The following SULF1 variants were observed in gnomAD, a reference collection of about 807,000 sequenced individuals.
SULF1 encodes extracellular sulfatase Sulf-1.
A neutral mutation model predicts 110.5 loss-of-function variants in SULF1; 46 were observed. The ratio of observed to expected loss-of-function variants is 0.42; its 90% CI spans 0.33 to 0.53. The LOEUF (loss-of-function observed/expected upper bound fraction) is 0.53, where lower values mean the gene tolerates loss of function less well. Ranked by LOEUF, SULF1 falls within the 20% of genes least tolerant of loss-of-function variation. The pLI, the probability that SULF1 is intolerant of heterozygous loss-of-function variation, is 0.12. For synonymous variants in SULF1, 371 were observed against 387.1 expected (o/e 0.96, Z 0.49); for missense variants, 941 against 1,094.2 (o/e 0.86, Z 1.98).
rs1289854304 is a variant in SULF1, at chr8:69,538,716, G to A, written c.-133-24823G>A. The stretch of plus-strand genomic sequence containing the variant: ...TTCTTTTTTTTTGTTTTTTTGAGAC[G>A]GAGTCTCCCTCTGTCACCCAGGCTG... On this transcript the variant is annotated intron_variant, in intron 3 of 22. Coordinates refer to ENST00000402687, the MANE Select transcript of SULF1 (RefSeq NM_001128205.2). Among the ~76,000 whole-genome samples, 3 of 150,710 alleles carry A rather than the reference G, an allele frequency of 2.0e-5. No homozygotes were observed. In the South Asian group the frequency reaches 6.3e-4, roughly 32 times the overall value.
intron 3 of SULF1, among the ~76,000 whole-genome samples, chr8:69,555,840 A>G (rs1418081738): frequency 6.6e-6 from 1 of 152,214 alleles, no homozygotes; most frequent in Non-Finnish European, 1.5e-5. Context: ...AATGCCTTCA[A>G]AACATAAATA....
intron 6 of SULF1, among the ~76,000 whole-genome samples, chr8:69,582,852 G>T (rs1806175639): frequency 6.6e-6 from 1 of 152,162 alleles, no homozygotes; most frequent in South Asian, 2.1e-4. Context: ...GTGGCTCCAA[G>T]TCATACTGCA....
intron 5 of SULF1, among the ~76,000 whole-genome samples, chr8:69,568,295 T>A (rs1804948435): frequency 6.6e-6 from 1 of 152,200 alleles, no homozygotes; most frequent in Non-Finnish European, 1.5e-5. Flanking sequence ...AACAATCCTA[T>A]CTGTTTATCT....
At chr8:69,600,539 G>A (rs1260781828) in intron 8 of SULF1, 64 bp from the exon 9 acceptor site, 20 of 1,457,564 alleles carry the variant, frequency 1.4e-5, no homozygotes, top group East Asian at 2.3e-5. Context: ...TCACAACCTC[G>A]AGATATTTTC....
intron 14 of SULF1, 64 bp downstream of exon 14, chr8:69,621,315 G>A (rs749599011): frequency 3.2e-5 from 40 of 1,236,100 alleles, no homozygotes; most frequent in Non-Finnish European, 4.5e-5. Context: ...ACAATAGAGA[G>A]ACGAAAGGGT....
intron 15 of SULF1, among the ~76,000 whole-genome samples, 189 bp from the exon 16 acceptor site, chr8:69,627,021 C>T (rs1810126564): frequency 6.6e-6 from 1 of 152,148 alleles, no homozygotes. Flanking sequence ...ACTGCCAGCA[C>T]GCTGTCACGA....
chr8:69,468,761 A>G (rs1808961104), intron 1 of SULF1, among the ~76,000 whole-genome samples: 1 of 152,206 alleles, frequency 6.6e-6, no homozygotes, highest in African/African-American at 2.4e-5. Context: ...TACCAATACC[A>G]TTTTTCACTA....
At position 69,660,429 on chromosome 8, in the gene SULF1, C is replaced by T. The variant is rs1412214724; in HGVS notation, c.*1894C>T. On this transcript the variant is annotated 3_prime_UTR_variant, in exon 23 of 23. Transcript: ENST00000402687. ...TGAAAATCTGTATTCTTGAAAATAT[C>T]CTTGTTGTGTATTAGGTTTTTAAAT... The T allele has an allele frequency of 6.6e-6, 1 of 152,488 alleles. No homozygotes were observed. The highest frequency in any genetic ancestry group is 1.5e-5 in the Non-Finnish European group (1 of 68,006). 9.4% of individuals were successfully genotyped at this position (152,488 alleles called of 1,614,324 possible).
At chr8:69,472,078 G>A (rs1039541038) in intron 1 of SULF1, among the ~76,000 whole-genome samples, 5 of 152,020 alleles carry the variant, frequency 3.3e-5, no homozygotes, top group Non-Finnish European at 5.9e-5. Flanking sequence ...GGCTCTGTAG[G>A]GACAGTAGTG....
chr8:69,493,628 A>T (rs551419066), intron 1 of SULF1, among the ~76,000 whole-genome samples: 1 of 152,352 alleles, frequency 6.6e-6, no homozygotes, highest in African/African-American at 2.4e-5. Context: ...TTCTTTTCAC[A>T]CTACGAAATA....
intron 3 of SULF1, among the ~76,000 whole-genome samples, chr8:69,559,352 AT>A (rs1248890735): frequency 6.6e-6 from 1 of 152,210 alleles, no homozygotes; most frequent in Non-Finnish European, 1.5e-5. Context: ...TATTTGGGAA[AT>A]TTGGTTCACT....
At chr8:69,474,921 T>G (rs1280123863) in intron 1 of SULF1, among the ~76,000 whole-genome samples, 1 of 152,180 alleles carries the variant, frequency 6.6e-6, no homozygotes, top group Non-Finnish European at 1.5e-5. Context: ...AAGCTACATT[T>G]TTGTTCCAAG....
intron 3 of SULF1, among the ~76,000 whole-genome samples, chr8:69,513,635 G>A (rs1811724048): frequency 6.6e-6 from 1 of 152,162 alleles, no homozygotes; most frequent in Non-Finnish European, 1.5e-5. Context: ...TTGTGATCAG[G>A]TGCCTGAAAT....
chr8:69,635,926 A>G (rs1295560838), intron 19 of SULF1, among the ~76,000 whole-genome samples: 2 of 151,994 alleles, frequency 1.3e-5, no homozygotes, highest in East Asian at 3.9e-4. Context: ...GTTGTCAGCC[A>G]GGTGACCTTG....
intron 3 of SULF1, among the ~76,000 whole-genome samples, chr8:69,525,980 A>G (rs1812635201): frequency 6.6e-6 from 1 of 152,222 alleles, no homozygotes; most frequent in Admixed American, 6.5e-5. Flanking sequence ...GTAACACCCT[A>G]GCTCTATTCT....
rs547570521 is a variant in SULF1 at position 69,581,922 on chromosome 8, A to T, written c.413-4435A>T. Among the ~76,000 whole-genome samples, 6 of 152,292 alleles carry T rather than the reference A, an allele frequency of 3.9e-5. No individual in the cohort carries two copies. The South Asian group carries it at 1.2e-3, about 32-fold the overall frequency. ...TGGAATGAGTGTGATGGGTGAGCGCACATCTGGAATACTGAGTACATTTCT... is the reference window on the plus strand; with the variant it reads ...TGGAATGAGTGTGATGGGTGAGCGCTCATCTGGAATACTGAGTACATTTCT... On this transcript the variant is annotated intron_variant, in intron 6 of 22. Transcript: ENST00000402687.
chr8:69,588,665 TATC>T (rs1343602883), intron 7 of SULF1, among the ~76,000 whole-genome samples: 3 of 152,200 alleles, frequency 2.0e-5, no homozygotes, highest in African/African-American at 7.2e-5. Flanking sequence ...CTAGTACTTT[TATC>T]GCCAGATTAA....
At chr8:69,546,371 G>A (rs189639587) in intron 3 of SULF1, among the ~76,000 whole-genome samples, 3 of 152,100 alleles carry the variant, frequency 2.0e-5, no homozygotes, top group Non-Finnish European at 1.5e-5. Flanking sequence ...ATTTATCCCC[G>A]TGGTCAGGCA....
At chr8:69,587,684 G>A (rs1019156459) in intron 7 of SULF1, among the ~76,000 whole-genome samples, 9 of 152,262 alleles carry the variant, frequency 5.9e-5, no homozygotes, top group South Asian at 2.1e-4. Flanking sequence ...TGCAGACCAC[G>A]TGCACTAATT....
Sources: gnomAD v4.1 joint callset for allele counts (sites outside exome capture counted in the v4.1 genomes callset) on GRCh38, gnomAD v4.1.1 for gene constraint, MANE v1.5 for transcripts, NCBI Gene and HGNC (gene_info 2026-07-23, HGNC 2026-07-21) for gene names.